Variants in MAGI2 observed in about 807,000 individuals in gnomAD.
MAGI2 encodes the protein membrane associated guanylate kinase, WW and PDZ domain containing 2.
MAGI2 carries 35 observed loss-of-function variants against 133.3 expected under a neutral mutation model. That is an observed-to-expected ratio of 0.26 (90% CI 0.20 to 0.35). The LOEUF is 0.35. MAGI2 is among the 10% of genes least tolerant of loss of function. MAGI2 has a pLI of 1.00. For missense variants in MAGI2, 1,636 were observed against 1,863.4 expected (o/e 0.88, Z 2.25); for synonymous variants, 729 against 710.6 (o/e 1.03, Z -0.41).
At chr7:78,794,354 A>T (rs1787421345) in intron 2 of MAGI2, among the ~76,000 whole-genome samples, 2 of 152,190 alleles carry the variant, frequency 1.3e-5, no homozygotes, top group African/African-American at 4.8e-5. Flanking sequence ...ATGCTTAAGA[A>T]AGAGGAATTA....
chr7:78,739,052 T>C (rs894130406), intron 2 of MAGI2, among the ~76,000 whole-genome samples: 1 of 152,246 alleles, frequency 6.6e-6, no homozygotes, highest in African/African-American at 2.4e-5. Context: ...GATCTCATTT[T>C]CAGTGTCTAC....
intron 9 of MAGI2, among the ~76,000 whole-genome samples, chr7:78,260,864 G>C (rs1409834995): frequency 7.9e-5 from 12 of 152,136 alleles, no homozygotes; most frequent in Admixed American, 7.9e-4. Flanking sequence ...TGAAAAAAAT[G>C]TTCTAAGATA....
At chr7:78,438,157 C>T (rs563212890) in intron 6 of MAGI2, among the ~76,000 whole-genome samples, 2 of 152,122 alleles carry the variant, frequency 1.3e-5, no homozygotes, top group East Asian at 3.9e-4. Context: ...GTTTTTGAGA[C>T]TCTGATGTGT....
chr7:78,966,589 G>C (rs10225493), intron 2 of MAGI2, among the ~76,000 whole-genome samples: 1 of 151,992 alleles, frequency 6.6e-6, no homozygotes, highest in Admixed American at 6.6e-5. Flanking sequence ...TGGACATTTA[G>C]GTTGTTTCCA....
chr7:78,914,066 C>CTT (rs1798608725), intron 2 of MAGI2, among the ~76,000 whole-genome samples: 2 of 152,118 alleles, frequency 1.3e-5, no homozygotes, highest in Non-Finnish European at 2.9e-5. Context: ...ATTTTGTTTG[C>CTT]AGATTGAGCT....
At chr7:78,491,630 T>C (rs1175131376) in intron 5 of MAGI2, among the ~76,000 whole-genome samples, 1 of 152,038 alleles carries the variant, frequency 6.6e-6, no homozygotes, top group Non-Finnish European at 1.5e-5. Flanking sequence ...AGTCTGGTGG[T>C]GCTTCATTAT....
At chr7:79,340,084 C>G (rs1840776832) in intron 1 of MAGI2, among the ~76,000 whole-genome samples, 1 of 152,012 alleles carries the variant, frequency 6.6e-6, no homozygotes, top group Admixed American at 6.6e-5. Context: ...ACATTTTCCC[C>G]CTCAAATTAT....
At chr7:78,286,123 C>T (rs185984420) in intron 9 of MAGI2, among the ~76,000 whole-genome samples, 14 of 152,116 alleles carry the variant, frequency 9.2e-5, no homozygotes, top group African/African-American at 1.7e-4. Context: ...ACTAAATTTA[C>T]GGTGTAAAAT....
chr7:78,269,987 T>C (rs1055912912), intron 9 of MAGI2, among the ~76,000 whole-genome samples: 5 of 152,210 alleles, frequency 3.3e-5, no homozygotes, highest in African/African-American at 4.8e-5. Context: ...TGCATATGGC[T>C]AGCCAGTTTT....
At chr7:79,065,582 TTTAAG>T (rs1814224132) in intron 1 of MAGI2, among the ~76,000 whole-genome samples, 2 of 152,160 alleles carry the variant, frequency 1.3e-5, no homozygotes, top group African/African-American at 2.4e-5. Context: ...TTTATTATAC[TTTAAG>T]TTTTCAGGTA....
intron 10 of MAGI2, chr7:78,252,176 G>C (rs1792463331): frequency 7.0e-6 from 1 of 143,260 alleles, no homozygotes; most frequent in Non-Finnish European, 1.5e-5. Context: ...TGCAATCCTA[G>C]AATGTCTATG....
chr7:78,721,268 T>C (rs932944774), intron 2 of MAGI2, among the ~76,000 whole-genome samples: 1 of 152,010 alleles, frequency 6.6e-6, no homozygotes, highest in African/African-American at 2.4e-5. Context: ...ATAAAATCAC[T>C]GTATATGTAT....
intron 1 of MAGI2, among the ~76,000 whole-genome samples, chr7:79,398,104 T>C (rs575431495): frequency 1.1e-4 from 17 of 152,334 alleles, no homozygotes; most frequent in African/African-American, 3.6e-4. Flanking sequence ...GAACTGGTCA[T>C]GTAACTCTTC....
chr7:79,128,759 C>T (rs184124081), intron 1 of MAGI2, among the ~76,000 whole-genome samples: 54 of 152,324 alleles, frequency 3.5e-4, no homozygotes, highest in African/African-American at 1.3e-3. Context: ...AGTCCAGATT[C>T]TCCTAACTTA....
intron 21 of MAGI2, among the ~76,000 whole-genome samples, chr7:78,062,220 C>T (rs1199687801): frequency 6.6e-6 from 1 of 152,228 alleles, no homozygotes; most frequent in Non-Finnish European, 1.5e-5. Flanking sequence ...CCTGGGCCCC[C>T]ATGGCTGGAG....
At chr7:78,152,460 G>A (rs1003213626) in intron 16 of MAGI2, among the ~76,000 whole-genome samples, 10 of 152,176 alleles carry the variant, frequency 6.6e-5, no homozygotes, top group African/African-American at 2.2e-4. Flanking sequence ...CAGGAGGACT[G>A]GATTGTATGT....
intron 1 of MAGI2, among the ~76,000 whole-genome samples, chr7:79,336,288 C>T (rs1280825564): frequency 6.6e-6 from 1 of 152,034 alleles, no homozygotes; most frequent in Admixed American, 6.6e-5. Flanking sequence ...TATTAAGAGG[C>T]TCTGACAGGA....
chr7:78,788,628 T>A (rs916681634), intron 2 of MAGI2, among the ~76,000 whole-genome samples: 2 of 151,982 alleles, frequency 1.3e-5, no homozygotes, highest in African/African-American at 4.8e-5. Flanking sequence ...CGTATATGAC[T>A]CACAGATGTG....
chr7:79,065,276 T>C (rs1814190350), intron 1 of MAGI2, among the ~76,000 whole-genome samples: 2 of 152,106 alleles, frequency 1.3e-5, no homozygotes, highest in Admixed American at 1.3e-4. Flanking sequence ...TTGGAGACTG[T>C]AATAGAATAT....
Sources: gnomAD v4.1 joint callset for allele counts (sites outside exome capture counted in the v4.1 genomes callset) on GRCh38, gnomAD v4.1.1 for gene constraint, MANE v1.5 for transcripts, NCBI Gene and HGNC (gene_info 2026-07-23, HGNC 2026-07-21) for gene names.